UBE2U: variants seen among roughly 807,000 people sequenced by gnomAD.
UBE2U encodes ubiquitin-conjugating enzyme E2 U.
Under a neutral mutation model 41.2 loss-of-function variants are expected in UBE2U, and 39 were observed. The observed-to-expected ratio is 0.95, with a 90% CI of 0.73 to 1.24. UBE2U has a LOEUF of 1.24. Ranked by LOEUF, UBE2U falls within the 50% of genes most tolerant of loss-of-function variation. The pLI, the probability that UBE2U is intolerant of heterozygous loss-of-function variation, is 0.00. For synonymous variants in UBE2U, 107 were observed against 117.8 expected, an observed-to-expected ratio of 0.91 and a Z score of 0.60; for missense variants, 336 against 363.1, an observed-to-expected ratio of 0.93 and a Z score of 0.61.
rs1644917096 is a variant in UBE2U at position 64,246,150 on chromosome 1, A to T, written c.677+4417A>T. Among the ~76,000 whole-genome samples, 3 of 152,134 alleles carry T rather than the reference A, an allele frequency of 2.0e-5. No homozygotes were observed. In the South Asian group the frequency reaches 6.2e-4, roughly 32 times the overall value. On this transcript the variant is annotated intron_variant, in intron 8 of 9. Transcript: ENST00000371077. Reference sequence around the variant, plus strand: ...TAGTTCTTTTTTTTCTTATATGTAAAAAAAGAACATCTGTGCAATATCAAA... The same window carrying T: ...TAGTTCTTTTTTTTCTTATATGTAATAAAAGAACATCTGTGCAATATCAAA...
chr1:64,209,287 AG>A (rs943838984), intron 3 of UBE2U, among the ~76,000 whole-genome samples: 13 of 152,030 alleles, frequency 8.6e-5, no homozygotes, highest in Non-Finnish European at 1.6e-4. Flanking sequence ...AGTCTCTAGG[AG>A]GGGGAAGGTA....
intron 6 of UBE2U, among the ~76,000 whole-genome samples, chr1:64,230,454 T>C (rs151162665): frequency 2.8e-4 from 42 of 152,356 alleles, no homozygotes; most frequent in African/African-American, 8.2e-4. Flanking sequence ...TTCCAACTCC[T>C]GTGAATATGA....
chr1:64,210,860 A>C (rs368864268), intron 4 of UBE2U, 21 bp downstream of exon 4: 1 of 1,533,672 alleles, frequency 6.5e-7, no homozygotes, highest in African/African-American at 1.4e-5. Flanking sequence ...ATTTCATATA[A>C]TCCTCTCTTT....
intron 8 of UBE2U, among the ~76,000 whole-genome samples, chr1:64,258,656 CT>C (rs1229019979): frequency 2.0e-5 from 3 of 152,104 alleles, no homozygotes; most frequent in African/African-American, 7.2e-5. Context: ...TGAACTCATC[CT>C]TTTTTATGGT....
intron 6 of UBE2U, among the ~76,000 whole-genome samples, chr1:64,230,849 A>C (rs1416277504): frequency 6.6e-6 from 1 of 152,180 alleles, no homozygotes; most frequent in Non-Finnish European, 1.5e-5. Context: ...TTCAGTTTAA[A>C]ATTATGTCTT....
chr1:64,231,891 G>A (rs1286224454), intron 6 of UBE2U, among the ~76,000 whole-genome samples: 1 of 152,206 alleles, frequency 6.6e-6, no homozygotes, highest in African/African-American at 2.4e-5. Flanking sequence ...TGTTTATAGA[G>A]TGTTGAGAAT....
At chr1:64,266,385 A>T (rs549746402) in intron 9 of UBE2U, among the ~76,000 whole-genome samples, 23 of 152,254 alleles carry the variant, frequency 1.5e-4, no homozygotes, top group African/African-American at 5.5e-4. Flanking sequence ...GAGTCTTGTT[A>T]TTAGCTGGAT....
chr1:64,246,444 T>C (rs1372866609), intron 8 of UBE2U, among the ~76,000 whole-genome samples: 1 of 152,232 alleles, frequency 6.6e-6, no homozygotes, highest in Non-Finnish European at 1.5e-5. Context: ...ACATGTTTTT[T>C]ATAAGTTTAC....
rs2100225528 is a variant in UBE2U at position 64,204,056 on chromosome 1, C to T, written c.6C>T (p.His2=). The T allele has an allele frequency of 1.9e-6, 3 of 1,613,826 alleles. No individual in the cohort carries two copies. Among genetic ancestry groups the T allele is most frequent in the African/African-American group, 1.3e-5 (1 of 75,028 alleles). Residue 2 remains histidine, a synonymous_variant, in exon 1 of 10, where the codon CAC becomes CAT. Coordinates refer to ENST00000371077, the MANE Select transcript of UBE2U (RefSeq NM_001366232.2). The part of the protein sequence containing the change: M[H]GRAYLLLHRD... ...CAGACCCTCCGCTGCCTATCATGCA[C>T]GGCAGAGCTTACCTCTTGCTGCACA...
At chr1:64,214,001 C>G (rs1651819934) in intron 4 of UBE2U, among the ~76,000 whole-genome samples, 2 of 152,158 alleles carry the variant, frequency 1.3e-5, no homozygotes, top group African/African-American at 4.8e-5. Context: ...ATGGGACCAC[C>G]ATGATATATG....
At chr1:64,209,956 T>C (rs1569953411) in intron 3 of UBE2U, among the ~76,000 whole-genome samples, 1 of 152,232 alleles carries the variant, frequency 6.6e-6, no homozygotes, top group African/African-American at 2.4e-5. Flanking sequence ...TATGATACAA[T>C]TGACAGTGCT....
chr1:64,250,579 T>C (rs1270511830), intron 8 of UBE2U, among the ~76,000 whole-genome samples: 1 of 152,122 alleles, frequency 6.6e-6, no homozygotes, highest in Non-Finnish European at 1.5e-5. Flanking sequence ...ACCCAAAGGA[T>C]TATAAATCAT....
intron 4 of UBE2U, among the ~76,000 whole-genome samples, chr1:64,214,509 A>C (rs1651858829): frequency 6.6e-6 from 1 of 152,204 alleles, no homozygotes; most frequent in African/African-American, 2.4e-5. Context: ...ACCACCATCA[A>C]CTAAAATTTT....
At chr1:64,205,805 G>A (rs559438037) in intron 2 of UBE2U, 85 bp downstream of exon 2, 58 of 1,042,186 alleles carry the variant, frequency 5.6e-5, no homozygotes, top group African/African-American at 1.5e-4. Flanking sequence ...GGATAAGGTC[G>A]CATTATATAA....
chr1:64,205,708 T>C lies in UBE2U; in HGVS notation c.136T>C (p.Ser46Pro), dbSNP rs1557698974. Reference protein sequence around the residue: ...WEVEIEGLQNSVWQGLVFQLT... With the variant: ...WEVEIEGLQNPVWQGLVFQLT... ...AGTTGAAATTGAAGGTCTACAGAAT[T>C]CAGTTTGGCAGGGTTTGTATTTTCA... Residue 46 changes from serine (S) to proline (P), a missense_variant, in exon 2 of 10, where the codon TCA becomes CCA. Ser to Pro is a moderately conservative substitution (Grantham distance 74, BLOSUM62 -1). Transcript: ENST00000371077. The C allele has an allele frequency of 6.2e-7, 1 of 1,613,064 alleles. No individual in the cohort carries two copies. The highest frequency in any genetic ancestry group is 2.2e-5 in the East Asian group (1 of 44,754).
intron 8 of UBE2U, among the ~76,000 whole-genome samples, chr1:64,253,419 A>G (rs1341285018): frequency 1.3e-5 from 2 of 152,176 alleles, no homozygotes; most frequent in Non-Finnish European, 2.9e-5. Context: ...AGAGAACCCC[A>G]GTAAGATACT....
At chr1:64,206,625 G>A (rs1307340164) in intron 2 of UBE2U, 139 bp from the exon 3 acceptor site, 6 of 580,972 alleles carry the variant, frequency 1.0e-5, no homozygotes, top group Non-Finnish European at 1.8e-5. Flanking sequence ...CAGAGGAGTC[G>A]GTGCACTCTA....
intron 8 of UBE2U, 33 bp downstream of exon 8, chr1:64,241,766 T>C: frequency 6.7e-7 from 1 of 1,495,092 alleles, no homozygotes; most frequent in Non-Finnish European, 9.2e-7. Flanking sequence ...AATGTGTACA[T>C]TAACTTGAAT....
chr1:64,230,747 A>G (rs12403336), intron 6 of UBE2U, among the ~76,000 whole-genome samples: 5,264 of 152,288 alleles, frequency 0.035, 189 homozygotes, highest in Admixed American at 0.11. Context: ...GTTAAACCAT[A>G]TAACACTTTA....
Sources: allele counts gnomAD v4.1 joint callset (sites outside exome capture counted in the v4.1 genomes callset), GRCh38; gene constraint gnomAD v4.1.1; transcripts MANE v1.5; gene names NCBI Gene and HGNC (gene_info 2026-07-23, HGNC 2026-07-21).